Variants in GBE1 observed in about 807,000 individuals in gnomAD.
GBE1 encodes 1,4-alpha-glucan-branching enzyme.
Under a neutral mutation model 88.8 loss-of-function variants are expected in GBE1, and 70 were observed. The observed-to-expected ratio is 0.79, with a 90% CI of 0.65 to 0.96. GBE1 has a LOEUF of 0.96. GBE1 is among the 40% of genes least tolerant of loss of function. GBE1 has a pLI of 0.00. For missense variants in GBE1, 872 were observed against 871.0 expected (o/e 1.00, Z -0.01); for synonymous variants, 284 against 300.1 (o/e 0.95, Z 0.56).
chr3:81,502,733 C>G (rs1315120758), intron 14 of GBE1, among the ~76,000 whole-genome samples: 1 of 152,038 alleles, frequency 6.6e-6, no homozygotes, highest in African/African-American at 2.4e-5. Flanking sequence ...CTCCCTCACT[C>G]TCTCTCATGT....
chr3:81,568,210 C>T (rs548466892), intron 12 of GBE1, among the ~76,000 whole-genome samples: 2 of 152,026 alleles, frequency 1.3e-5, no homozygotes, highest in Non-Finnish European at 2.9e-5. Context: ...TGCAGTGGCA[C>T]GATCTGGTCT....
intron 6 of GBE1, among the ~76,000 whole-genome samples, chr3:81,643,338 C>T (rs1275035877): frequency 6.6e-6 from 1 of 152,118 alleles, no homozygotes; most frequent in African/African-American, 2.4e-5. Context: ...CTGCCCATTA[C>T]TTACAGGGTG....
intron 7 of GBE1, among the ~76,000 whole-genome samples, chr3:81,600,211 C>T (rs377492496): frequency 4.6e-4 from 70 of 151,964 alleles, no homozygotes; most frequent in African/African-American, 1.6e-3. Context: ...CAGTGAGCCG[C>T]GATTGTGCCA....
chr3:81,568,900 G>T (rs1301005616), intron 12 of GBE1, among the ~76,000 whole-genome samples: 1 of 151,948 alleles, frequency 6.6e-6, no homozygotes, highest in Non-Finnish European at 1.5e-5. Context: ...GAGCTAAATG[G>T]AGAGATAACA....
At chr3:81,761,283 C>T (rs964161238) in intron 1 of GBE1, 92 bp downstream of exon 1, 19 of 1,474,282 alleles carry the variant, frequency 1.3e-5, no homozygotes, top group Admixed American at 2.3e-5. Flanking sequence ...GCGGGGTTGG[C>T]GCGCGAGGGC....
chr3:81,573,574 T>C (rs1249246857), intron 12 of GBE1, among the ~76,000 whole-genome samples: 1 of 152,230 alleles, frequency 6.6e-6, no homozygotes, highest in Non-Finnish European at 1.5e-5. Flanking sequence ...TTTTCATCTC[T>C]GAATACATAC....
At chr3:81,709,293 C>T (rs531813414) in intron 1 of GBE1, among the ~76,000 whole-genome samples, 1 of 152,126 alleles carries the variant, frequency 6.6e-6, no homozygotes, top group African/African-American at 2.4e-5. Flanking sequence ...CTCTTTAAAT[C>T]ATATGAGAAA....
At chr3:81,544,316 T>C (rs2106882665) in intron 12 of GBE1, among the ~76,000 whole-genome samples, 1 of 152,288 alleles carries the variant, frequency 6.6e-6, no homozygotes, top group African/African-American at 2.4e-5. Context: ...ACAATAGTTC[T>C]GAGTCCAAAA....
intron 14 of GBE1, among the ~76,000 whole-genome samples, chr3:81,501,823 A>C (rs1402014336): frequency 6.7e-6 from 1 of 149,698 alleles, no homozygotes; most frequent in Admixed American, 6.8e-5. Context: ...TCAGCCTCTC[A>C]AGTAGTTGAG....
At chr3:81,598,848 T>A (rs1340506199) in intron 7 of GBE1, among the ~76,000 whole-genome samples, 2 of 151,892 alleles carry the variant, frequency 1.3e-5, no homozygotes, top group Non-Finnish European at 2.9e-5. Flanking sequence ...TGTAGGTAAT[T>A]ATAAATTATG....
chr3:81,646,956 CTT>C (rs34290906), intron 5 of GBE1, among the ~76,000 whole-genome samples: 1,870 of 132,328 alleles, frequency 0.014, 24 homozygotes, highest in African/African-American at 0.05. Context: ...CATAAGGTAG[CTT>C]TTTTTTTTTT....
At chr3:81,737,709 A>G (rs1427349471) in intron 1 of GBE1, among the ~76,000 whole-genome samples, 4 of 150,588 alleles carry the variant, frequency 2.7e-5, no homozygotes, top group African/African-American at 9.8e-5. Context: ...AATTTTATGT[A>G]TCAGTCTCTC....
intron 9 of GBE1, among the ~76,000 whole-genome samples, chr3:81,589,980 T>C (rs887992832): frequency 6.6e-6 from 1 of 152,002 alleles, no homozygotes; most frequent in Non-Finnish European, 1.5e-5. Flanking sequence ...CTAAATTGTA[T>C]GGTAGGTTGT....
chr3:81,672,831 G>A (rs1031429172), intron 2 of GBE1, among the ~76,000 whole-genome samples: 1 of 151,746 alleles, frequency 6.6e-6, no homozygotes, highest in Non-Finnish European at 1.5e-5. Context: ...TCTCAACTAA[G>A]GACATAATAA....
chr3:81,567,566 C>T (rs1576152088), intron 12 of GBE1, among the ~76,000 whole-genome samples: 1 of 152,186 alleles, frequency 6.6e-6, no homozygotes, highest in East Asian at 1.9e-4. Flanking sequence ...TGACTCTAGC[C>T]TTATTTGTCT....
chr3:81,574,917 C>A (rs1369008703), intron 12 of GBE1, among the ~76,000 whole-genome samples: 1 of 152,102 alleles, frequency 6.6e-6, no homozygotes. Context: ...GTAATCCCAG[C>A]ACTTTGGGAG....
intron 7 of GBE1, among the ~76,000 whole-genome samples, chr3:81,622,678 C>T (rs1186154481): frequency 1.3e-5 from 2 of 152,158 alleles, no homozygotes; most frequent in Admixed American, 6.5e-5. Flanking sequence ...TGATTTTCCC[C>T]CAAGTCCTTC....
intron 7 of GBE1, among the ~76,000 whole-genome samples, chr3:81,638,163 A>C (rs1235810343): frequency 6.6e-6 from 1 of 152,100 alleles, no homozygotes; most frequent in African/African-American, 2.4e-5. Context: ...AAAAAGACCA[A>C]TTGGACTCAC....
intron 12 of GBE1, among the ~76,000 whole-genome samples, chr3:81,555,475 G>A (rs1206757943): frequency 6.6e-6 from 1 of 152,190 alleles, no homozygotes; most frequent in African/African-American, 2.4e-5. Context: ...AATATAGTTA[G>A]TAACTTAATG....
Sources: gnomAD v4.1 joint callset for allele counts (sites outside exome capture counted in the v4.1 genomes callset) on GRCh38, gnomAD v4.1.1 for gene constraint, MANE v1.5 for transcripts, NCBI Gene and HGNC (gene_info 2026-07-23, HGNC 2026-07-21) for gene names.